OTOG: variants seen among roughly 807,000 people sequenced by gnomAD.
OTOG encodes otogelin.
In OTOG, 296 loss-of-function variants were observed where a neutral mutation model predicts 313.8. The observed-to-expected ratio is 0.94, with a 90% CI of 0.86 to 1.04. OTOG has a LOEUF of 1.04. Ranked by LOEUF, OTOG falls within the 50% of genes least tolerant of loss-of-function variation. The pLI is 0.00. For missense variants in OTOG, 3,948 were observed against 3,840.1 expected (o/e 1.03, Z -0.74); for synonymous variants, 1,533 against 1,554.9 (o/e 0.99, Z 0.33).
Position 17,576,582 on chromosome 11 carries a change from G to T in OTOG, c.2513G>T (p.Gly838Val). 6.4e-7 allele frequency: 1 copy of T among 1,550,542 alleles called. No homozygotes were observed. The highest frequency in any genetic ancestry group is 8.7e-7 in the Non-Finnish European group (1 of 1,146,914). Residue 838 changes from glycine to valine, a missense_variant, in exon 21 of 56, where the codon GGA becomes GTA. Physicochemically the swap from Gly to Val is moderately radical, Grantham distance 109. Transcript: ENST00000399397. Reference protein sequence around the residue: ...PRNQCSCHFQGVDYPPGDSDI... With the variant: ...PRNQCSCHFQVVDYPPGDSDI... ...AACCAGTGCTCCTGCCACTTCCAGG[G>T]AGTGGACTATCCCCCCGGAGACAGT... is the stretch of plus-strand genomic sequence containing the variant.
intron 13 of OTOG, 104 bp from the exon 14 acceptor site, chr11:17,560,987 A>G (rs1257197048): frequency 2.9e-6 from 4 of 1,359,018 alleles, no homozygotes; most frequent in African/African-American, 2.9e-5. Flanking sequence ...TCTACCACCC[A>G]TTTTAGAGAT....
intron 19 of OTOG, 39 bp from the exon 20 acceptor site, chr11:17,574,681 G>C (rs149971107): frequency 1.3e-6 from 2 of 1,526,628 alleles, no homozygotes; most frequent in South Asian, 1.2e-5. Flanking sequence ...CTGTGGGGAT[G>C]AGGGAGACAA....
intron 3 of OTOG, among the ~76,000 whole-genome samples, chr11:17,551,472 A>G (rs574847176): frequency 1.4e-4 from 22 of 152,138 alleles, no homozygotes; most frequent in African/African-American, 5.3e-4. Context: ...AGTTGTGAGG[A>G]CAGTGGGTGT....
At chr11:17,569,708 G>T (rs955498359) in intron 16 of OTOG, among the ~76,000 whole-genome samples, 1 of 152,214 alleles carries the variant, frequency 6.6e-6, no homozygotes, top group African/African-American at 2.4e-5. Context: ...GGGGCTCAAG[G>T]TTGGGAGGAG....
At position 17,634,297 on chromosome 11, in the gene OTOG, C is replaced by G; in HGVS notation, c.7480+16C>G. The G allele has an allele frequency of 6.5e-7, 1 of 1,547,348 alleles. No individual in the cohort carries two copies. The highest frequency in any genetic ancestry group is 1.2e-5 in the South Asian group (1 of 83,976). ...ACTGTCTGTGGTGAGTGTCCACCTT[C>G]ACTTCCTTGGACGTCAACTGTAAAA... On this transcript the variant is annotated intron_variant, in intron 44 of 55. Coordinates refer to ENST00000399397, the MANE Select transcript of OTOG (RefSeq NM_001292063.2).
chr11:17,634,362 A>T, intron 44 of OTOG, 81 bp downstream of exon 44: 2 of 1,415,598 alleles, frequency 1.4e-6, no homozygotes, highest in South Asian at 2.7e-5. Context: ...ACCCTGATGG[A>T]TAGGACAAGG....
chr11:17,593,456 A>C (rs1853001008), intron 26 of OTOG, 129 bp downstream of exon 26: 2 of 1,422,734 alleles, frequency 1.4e-6, no homozygotes, highest in South Asian at 2.8e-5. Flanking sequence ...TTAGGAGCCC[A>C]GACTGAATTC....
rs1485663504 is a variant in OTOG at position 17,631,894 on chromosome 11, A to G, written c.6905A>G (p.Asn2302Ser). 2 of 1,550,266 alleles carry G rather than the reference A, an allele frequency of 1.3e-6. No homozygotes were observed. Among genetic ancestry groups the G allele is most frequent in the Non-Finnish European group, 1.7e-6 (2 of 1,146,998 alleles). ...DCSPCLRMVS[N>S]RTFSACHRFV... Reference sequence around the variant, plus strand: ...TCGCCCTGCCTTCGCATGGTGTCCAACCGCACCTTCAGTGCCTGCCACCGC... The same window carrying G: ...TCGCCCTGCCTTCGCATGGTGTCCAGCCGCACCTTCAGTGCCTGCCACCGC... Residue 2302 changes from asparagine to serine, a missense_variant, in exon 41 of 56, where the codon AAC (asparagine) becomes AGC (serine). By Grantham distance (46) the Asn-to-Ser change is conservative. Coordinates refer to ENST00000399397, the MANE Select transcript of OTOG (RefSeq NM_001292063.2).
chr11:17,557,320 T>C lies in OTOG; in HGVS notation c.862T>C (p.Ser288Pro). Residue 288 changes from serine (S) to proline (P), a missense_variant, in exon 8 of 56, where the codon TCT (serine) becomes CCT (proline). By Grantham distance (74) the Ser-to-Pro change is moderately conservative. Coordinates refer to ENST00000399397, the MANE Select transcript of OTOG (RefSeq NM_001292063.2). ...CCCCAAGGATGATCTGGTGACCAGC[T>C]CTGGTGAGGGTCAGACAGGTGGCCT... ...ADPKDDLVTS[S>P]GKLTDDVVEF... is the part of the protein sequence containing the mutation. 1.3e-6 allele frequency: 2 copies of C among 1,550,194 alleles called. No homozygotes were observed. The highest frequency in any genetic ancestry group is 1.7e-6 in the Non-Finnish European group (2 of 1,146,904).
At chr11:17,576,703 A>T in intron 21 of OTOG, 73 bp downstream of exon 21, 1 of 1,473,610 alleles carries the variant, frequency 6.8e-7, no homozygotes, top group Non-Finnish European at 9.3e-7. Flanking sequence ...AGTGCAGCTG[A>T]TGGAACTTTC....
intron 8 of OTOG, 111 bp downstream of exon 8, chr11:17,557,434 T>C (rs1002076395): frequency 5.6e-5 from 61 of 1,081,608 alleles, no homozygotes; most frequent in Non-Finnish European, 7.8e-5. Flanking sequence ...GTGGTCATGG[T>C]ATTAAAGACC....
At chr11:17,624,723 T>C (rs1248880942) in intron 39 of OTOG, among the ~76,000 whole-genome samples, 2 of 152,218 alleles carry the variant, frequency 1.3e-5, no homozygotes, top group Non-Finnish European at 2.9e-5. Flanking sequence ...AGGAAGAGCA[T>C]TGAATCTATC....
chr11:17,605,141 C>A (rs1284866169), intron 32 of OTOG, among the ~76,000 whole-genome samples: 1 of 152,248 alleles, frequency 6.6e-6, no homozygotes, highest in East Asian at 1.9e-4. Context: ...TGCTCACTCC[C>A]TGTGCCTGCT....
intron 54 of OTOG, among the ~76,000 whole-genome samples, chr11:17,643,772 C>T (rs1848020263): frequency 6.6e-6 from 1 of 152,196 alleles, no homozygotes; most frequent in African/African-American, 2.4e-5. Context: ...GCATAGCATT[C>T]AGGAGGTCAG....
In OTOG at chr11:17,623,471, A is replaced by G. The variant is rs183470434; in HGVS notation, c.6529-5662A>G. Among the ~76,000 whole-genome samples, 637 of 152,314 alleles carry G rather than the reference A, an allele frequency of 4.2e-3. 3 individuals are homozygous for G. The highest frequency in any genetic ancestry group is 0.015 in the African/African-American group (613 of 41,560). Reference sequence around the variant, plus strand: ...CTCCATCCATGTTTCTGCAGAGGACATGATCTCATTCTTTTTTATGGCTGC... The same window carrying G: ...CTCCATCCATGTTTCTGCAGAGGACGTGATCTCATTCTTTTTTATGGCTGC... On this transcript the variant is annotated intron_variant, in intron 39 of 55. Transcript: ENST00000399397.
At chr11:17,608,273 T>G in intron 33 of OTOG, 23 bp from the exon 34 acceptor site, 1 of 1,477,462 alleles carries the variant, frequency 6.8e-7, no homozygotes, top group Non-Finnish European at 9.1e-7. Flanking sequence ...GACCCAGAGT[T>G]GCTGCCCCAT....
chr11:17,609,574 C>T (rs1203741400), intron 35 of OTOG, 81 bp from the exon 36 acceptor site: 2 of 1,288,852 alleles, frequency 1.6e-6, no homozygotes, highest in African/African-American at 3.0e-5. Context: ...GTCCTCAAGC[C>T]TCACACCACA....
At chr11:17,606,286 T>C (rs76022037) in intron 33 of OTOG, among the ~76,000 whole-genome samples, 151 bp downstream of exon 33, 1,817 of 152,324 alleles carry the variant, frequency 0.012, 90 homozygotes, top group Admixed American at 0.09. Flanking sequence ...CACCCTGAGA[T>C]GAGAGGTGGC....
chr11:17,600,592 C>T (rs779090526), intron 31 of OTOG, among the ~76,000 whole-genome samples: 37 of 152,112 alleles, frequency 2.4e-4, no homozygotes, highest in Admixed American at 8.5e-4. Flanking sequence ...AGATGACGGC[C>T]GGACCAGGGT....
Sources: gnomAD v4.1 joint callset for allele counts (sites outside exome capture counted in the v4.1 genomes callset) on GRCh38, gnomAD v4.1.1 for gene constraint, MANE v1.5 for transcripts, NCBI Gene and HGNC (gene_info 2026-07-23, HGNC 2026-07-21) for gene names.